Variants in GRAMD1B observed in about 807,000 individuals in gnomAD.
GRAMD1B encodes the protein GRAM domain containing 1B, also known as protein Aster-B.
In GRAMD1B, 37 loss-of-function variants were observed where a neutral mutation model predicts 99.7. That is an observed-to-expected ratio of 0.37 (90% CI 0.29 to 0.49). The LOEUF (loss-of-function observed/expected upper bound fraction) is 0.49. GRAMD1B is among the 20% of genes least tolerant of loss of function. GRAMD1B has a pLI of 0.98. For missense variants in GRAMD1B, 888 were observed against 1,009.2 expected, an observed-to-expected ratio of 0.88 and a Z score of 1.63; for synonymous variants, 427 against 387.6, an observed-to-expected ratio of 1.10 and a Z score of -1.19.
At chr11:123,365,600 C>G (rs943484827) in intron 1 of GRAMD1B, among the ~76,000 whole-genome samples, 1 of 152,204 alleles carries the variant, frequency 6.6e-6, no homozygotes, top group Non-Finnish European at 1.5e-5. Context: ...TTCCTATCAT[C>G]TGTCATTAGT....
At position 123,613,544 on chromosome 11, in the gene GRAMD1B, C is replaced by T. The variant is rs772035485; in HGVS notation, c.2113C>T (p.Arg705Trp). ...KEKASKTTTV[R>W]RRKRPHAHLR... ...GAAGGCCAGCAAGACTACAACGGTG[C>T]GGAGGAGGAAGCGTCCCCATGCCCA... is the stretch of plus-strand genomic sequence containing the variant. Residue 705 changes from arginine (R) to tryptophan (W), a missense_variant, in exon 16 of 20, where the codon CGG becomes TGG. Arg to Trp is a moderately radical substitution (Grantham distance 101). Coordinates refer to ENST00000635736, the MANE Select transcript of GRAMD1B (RefSeq NM_001387025.1). 1.3e-5 allele frequency: 21 copies of T among 1,613,264 alleles called. No individual in the cohort carries two copies. The highest frequency in any genetic ancestry group is 7.7e-5 in the South Asian group (7 of 90,982).
chr11:123,551,944 T>C (rs1418852047), intron 2 of GRAMD1B, among the ~76,000 whole-genome samples: 1 of 152,250 alleles, frequency 6.6e-6, no homozygotes, highest in Non-Finnish European at 1.5e-5. Context: ...ATGCTCCTAC[T>C]ACACTGACTT....
intron 1 of GRAMD1B, among the ~76,000 whole-genome samples, chr11:123,467,490 A>G (rs916090622): frequency 1.4e-5 from 2 of 143,380 alleles, no homozygotes; most frequent in African/African-American, 5.2e-5. Flanking sequence ...AGGCGCTGTC[A>G]GGCTTGAGAT....
intron 7 of GRAMD1B, chr11:123,597,958 T>C: frequency 8.5e-7 from 1 of 1,182,014 alleles, no homozygotes; most frequent in Admixed American, 1.7e-5. Flanking sequence ...GCAGTCCTTG[T>C]TTTTTCAGAT....
At chr11:123,539,297 C>T (rs900595761) in intron 2 of GRAMD1B, among the ~76,000 whole-genome samples, 2 of 152,082 alleles carry the variant, frequency 1.3e-5, no homozygotes, top group Admixed American at 6.6e-5. Flanking sequence ...ACATTACCAA[C>T]GCTTCTTCAA....
chr11:123,445,832 A>AG (rs1949615502), intron 1 of GRAMD1B, among the ~76,000 whole-genome samples: 1 of 151,434 alleles, frequency 6.6e-6, no homozygotes, highest in Non-Finnish European at 1.5e-5. Context: ...AAAAAAAAAA[A>AG]AAAAAACAAG....
At chr11:123,365,448 C>T (rs1317536620) in intron 1 of GRAMD1B, among the ~76,000 whole-genome samples, 2 of 152,142 alleles carry the variant, frequency 1.3e-5, no homozygotes, top group East Asian at 1.9e-4. Context: ...GACGGGGTTT[C>T]GCCATGTTGG....
chr11:123,374,222 G>T (rs1478021407), intron 1 of GRAMD1B, among the ~76,000 whole-genome samples: 1 of 152,144 alleles, frequency 6.6e-6, no homozygotes, highest in Admixed American at 6.5e-5. Flanking sequence ...AAATACTTTT[G>T]TGTTGTATCT....
intron 2 of GRAMD1B, among the ~76,000 whole-genome samples, chr11:123,516,070 A>G (rs879573102): frequency 9.2e-5 from 14 of 152,202 alleles, no homozygotes; most frequent in Admixed American, 7.8e-4. Context: ...CACCCAGCCA[A>G]CATATTTAAC....
At chr11:123,567,632 A>C (rs1250616461) in intron 2 of GRAMD1B, among the ~76,000 whole-genome samples, 1 of 152,156 alleles carries the variant, frequency 6.6e-6, no homozygotes, top group Non-Finnish European at 1.5e-5. Context: ...TCTCCATGGA[A>C]ATGAAAAATA....
intron 1 of GRAMD1B, among the ~76,000 whole-genome samples, chr11:123,386,474 G>C (rs866923294): frequency 8.3e-5 from 11 of 132,004 alleles, no homozygotes; most frequent in Admixed American, 2.7e-4. Context: ...GTCTCACTCT[G>C]TCACTGAGGC....
intron 2 of GRAMD1B, among the ~76,000 whole-genome samples, chr11:123,520,436 G>GTGTATTTTAAAAT (rs1565322834): frequency 2.0e-5 from 3 of 152,084 alleles, no homozygotes; most frequent in African/African-American, 7.2e-5. Flanking sequence ...TAAATACTCT[G>GTGTATTTTAAAAT]TGTATTTTAA....
intron 1 of GRAMD1B, among the ~76,000 whole-genome samples, chr11:123,390,150 A>AG (rs1010290000): frequency 9.5e-4 from 144 of 151,806 alleles, no homozygotes; most frequent in South Asian, 4.8e-3. Context: ...AAAAAAAAAA[A>AG]AGAGAGAGAG....
intron 1 of GRAMD1B, among the ~76,000 whole-genome samples, chr11:123,361,651 C>T (rs575189285): frequency 4.6e-5 from 7 of 152,216 alleles, no homozygotes; most frequent in Non-Finnish European, 7.3e-5. Context: ...TCCAGTGCCC[C>T]GATATGTACA....
chr11:123,389,011 G>A (rs905881272), intron 1 of GRAMD1B, among the ~76,000 whole-genome samples: 2 of 152,144 alleles, frequency 1.3e-5, no homozygotes, highest in African/African-American at 4.8e-5. Flanking sequence ...CTGAGACGAT[G>A]TGCTGACAAT....
intron 2 of GRAMD1B, among the ~76,000 whole-genome samples, chr11:123,522,490 T>A (rs1052765729): frequency 6.6e-6 from 1 of 152,140 alleles, no homozygotes; most frequent in South Asian, 2.1e-4. Context: ...GGCTAATTTT[T>A]GTATTTTTAA....
At chr11:123,573,348 AT>A (rs1239510721) in intron 2 of GRAMD1B, among the ~76,000 whole-genome samples, 5 of 152,230 alleles carry the variant, frequency 3.3e-5, no homozygotes, top group Non-Finnish European at 5.9e-5. Flanking sequence ...GATGAAAAAA[AT>A]GCCAAATCCT....
chr11:123,608,491 A>G, intron 11 of GRAMD1B, 168 bp from the exon 12 acceptor site: 1 of 1,524,894 alleles, frequency 6.6e-7, no homozygotes. Flanking sequence ...CCGAAAGCAA[A>G]GTCATAAACC....
chr11:123,449,628 T>C (rs1279717021), intron 1 of GRAMD1B, among the ~76,000 whole-genome samples: 2 of 151,972 alleles, frequency 1.3e-5, no homozygotes, highest in Non-Finnish European at 2.9e-5. Flanking sequence ...AGGGTGGAGA[T>C]TGCTGGTGAG....
Sources: allele counts gnomAD v4.1 joint callset (sites outside exome capture counted in the v4.1 genomes callset), GRCh38; gene constraint gnomAD v4.1.1; transcripts MANE v1.5; gene names NCBI Gene and HGNC (gene_info 2026-07-23, HGNC 2026-07-21).